Variants in PLIN1 observed in about 807,000 individuals in gnomAD.
The protein encoded by PLIN1 is perilipin 1, also known as perilipin-1.
PLIN1 carries 37 observed loss-of-function variants against 45.8 expected under a neutral mutation model. The observed-to-expected ratio is 0.81, with a 90% CI of 0.62 to 1.06. The LOEUF is 1.06. PLIN1 is among the 50% of genes least tolerant of loss of function. The pLI, the probability that PLIN1 is intolerant of heterozygous loss-of-function variation, is 0.00. For missense variants in PLIN1, 776 were observed against 716.5 expected, an observed-to-expected ratio of 1.08 and a Z score of -0.95; for synonymous variants, 340 against 309.2, an observed-to-expected ratio of 1.10 and a Z score of -1.05.
At chr15:89,676,368 C>G (rs1234332938) in intron 2 of PLIN1, among the ~76,000 whole-genome samples, 2 of 152,204 alleles carry the variant, frequency 1.3e-5, no homozygotes, top group African/African-American at 4.8e-5. Flanking sequence ...CTGCCTCAGT[C>G]TCCCAAGTAG....
At position 89,677,367 on chromosome 15, in the gene PLIN1, C is replaced by T; in HGVS notation, c.45+78G>A. The T allele has an allele frequency of 3.6e-6, 4 of 1,119,056 alleles. No homozygotes were observed. In the South Asian group the frequency reaches 4.9e-5, roughly 14 times the overall value. The allele number at this position is 1,119,056 out of a possible 1,614,324, so 69.3% of individuals were successfully genotyped here. A position where few individuals can be genotyped will look rare whatever the true frequency, so the allele number is the denominator to read the frequency against. ...ATCTGGGAATATCTTGCTCTAAGTC[C>T]CCTGCATCTCCCCTCCCTGCTTCTT... On this transcript the variant is annotated intron_variant, in intron 2 of 8. Coordinates refer to ENST00000300055, the MANE Select transcript of PLIN1 (RefSeq NM_002666.5).
chr15:89,667,003 A>ATGGCCC lies in PLIN1; in HGVS notation c.1136_1141dup (p.Arg379_Ala380dup). 6.2e-7 allele frequency: 1 copy of ATGGCCC among 1,614,126 alleles called. No individual in the cohort carries two copies. The stretch of plus-strand genomic sequence containing the variant: ...GCCCTTCAGGGCATCTGATAGGGAC[A>ATGGCCC]TGGCCCTCCCCTTGGTTGAGGAGAC... On this transcript the variant is annotated inframe_insertion, in exon 8 of 9. Coordinates refer to ENST00000300055, the MANE Select transcript of PLIN1 (RefSeq NM_002666.5).
chr15:89,674,978 T>C (rs1473978343), intron 2 of PLIN1, among the ~76,000 whole-genome samples: 4 of 152,072 alleles, frequency 2.6e-5, no homozygotes, highest in African/African-American at 7.2e-5. Flanking sequence ...TAGCAGGGCA[T>C]GGTGCTGTGT....
intron 3 of PLIN1, among the ~76,000 whole-genome samples, chr15:89,672,407 C>T (rs190477582): frequency 6.6e-6 from 1 of 152,164 alleles, no homozygotes; most frequent in Admixed American, 6.5e-5. Context: ...GCAGAGAGCC[C>T]AGATGACTTG....
Position 89,670,053 on chromosome 15 carries a change from T to C in PLIN1, c.525A>G (p.Gly175=). ...ANTRAGRLAS[G]GADLALGSIE... is the part of the protein sequence containing the mutation. ...TGCTGCCCAAGGCCAAGTCGGCCCC[T>C]CCAGAAGCCAGTCGGCCAGCTCGAG... Residue 175 remains glycine, a synonymous_variant, in exon 5 of 9, where the codon GGA becomes GGG. Coordinates refer to ENST00000300055, the MANE Select transcript of PLIN1 (RefSeq NM_002666.5). The C allele has an allele frequency of 6.2e-7, 1 of 1,613,998 alleles. No homozygotes were observed. The highest frequency in any genetic ancestry group is 8.5e-7 in the Non-Finnish European group (1 of 1,179,978).
At chr15:89,673,635 C>T (rs1162009384) in intron 2 of PLIN1, among the ~76,000 whole-genome samples, 1 of 152,180 alleles carries the variant, frequency 6.6e-6, no homozygotes, top group African/African-American at 2.4e-5. Context: ...GGTCACCATC[C>T]GGGGTGCTGG....
intron 8 of PLIN1, 137 bp from the exon 9 acceptor site, chr15:89,666,079 G>C (rs1411024610): frequency 1.8e-6 from 1 of 552,096 alleles, no homozygotes; most frequent in Non-Finnish European, 2.8e-6. Flanking sequence ...GAGCGGTTCA[G>C]TAGTTTGGGG....
intron 2 of PLIN1, chr15:89,677,188 C>T (rs181552741): frequency 2.8e-4 from 156 of 557,844 alleles, no homozygotes; most frequent in East Asian, 2.2e-3. Flanking sequence ...CCACTCCCCC[C>T]GTCCCTAAGC....
intron 2 of PLIN1, among the ~76,000 whole-genome samples, chr15:89,676,206 A>G (rs757732406): frequency 6.6e-6 from 1 of 152,154 alleles, no homozygotes; most frequent in Non-Finnish European, 1.5e-5. Flanking sequence ...CTACATGTAC[A>G]CTAAGACAGA....
intron 2 of PLIN1, among the ~76,000 whole-genome samples, chr15:89,674,626 C>T (rs901822216): frequency 1.3e-5 from 2 of 152,154 alleles, no homozygotes; most frequent in Admixed American, 1.3e-4. Context: ...CTTTGCTGAG[C>T]TGAAATTTGC....
At chr15:89,677,754 T>A in intron 1 of PLIN1, 3 of 157,638 alleles carry the variant, frequency 1.9e-5, no homozygotes, top group Non-Finnish European at 2.7e-5. Context: ...TCTTTCTTTC[T>A]TTTTTTTTTT....
chr15:89,667,091 A>G lies in PLIN1; in HGVS notation c.1054T>C (p.Trp352Arg), dbSNP rs1056883929. Residue 352 changes from tryptophan (W) to arginine (R), a missense_variant, in exon 8 of 9, where the codon TGG becomes CGG. Transcript: ENST00000300055. ...ATGCCCAGCACAGCTGCAGGTGCCCATGTCACAGCCGAGATGGTGGTCTGG... is the reference window on the plus strand; with the variant it reads ...ATGCCCAGCACAGCTGCAGGTGCCCGTGTCACAGCCGAGATGGTGGTCTGG... ...TLQTTISAVTWAPAAVLGMAG... is the reference protein window; with the variant it reads ...TLQTTISAVTRAPAAVLGMAG... The G allele has an allele frequency of 6.2e-7, 1 of 1,614,088 alleles. No individual in the cohort carries two copies. Among genetic ancestry groups the G allele is most frequent in the Admixed American group, 1.7e-5 (1 of 60,028 alleles).
chr15:89,665,399 G>A lies in PLIN1; in HGVS notation c.*184C>T. 1 of 436,526 alleles carries A rather than the reference G, an allele frequency of 2.3e-6. No homozygotes were observed. The highest frequency in any genetic ancestry group is 4.1e-5 in the Admixed American group (1 of 24,650). The allele number at this position is 436,526 out of a possible 1,614,324, so 27.0% of individuals were successfully genotyped here. The stretch of plus-strand genomic sequence containing the variant: ...TGGCTCTGAGAGTGAAGCCCCAAAA[G>A]GATGCTAAAAAAAAAATAAAAATAA... On this transcript the variant is annotated 3_prime_UTR_variant, in exon 9 of 9. Coordinates refer to ENST00000300055, the MANE Select transcript of PLIN1 (RefSeq NM_002666.5).
rs1412941874 is a variant in PLIN1, at chr15:89,665,103, AG to A, written c.*479del. On this transcript the variant is annotated 3_prime_UTR_variant, in exon 9 of 9. Transcript: ENST00000300055. ...TAGATCATCAGAGGATGTTCATCAGAGGGGGAACAGATCATCCTAGATCACA... is the reference window on the plus strand; with the variant it reads ...TAGATCATCAGAGGATGTTCATCAGAGGGGAACAGATCATCCTAGATCACA... The A allele has an allele frequency of 2.7e-6, 1 of 364,432 alleles. No homozygotes were observed. Among genetic ancestry groups the A allele is most frequent in the East Asian group, 7.3e-5 (1 of 13,666 alleles). 22.6% of individuals were successfully genotyped at this position (364,432 alleles called of 1,614,324 possible).
At position 89,664,812 on chromosome 15, in the gene PLIN1, G is replaced by T; in HGVS notation, c.*771C>A. 4.5e-6 allele frequency: 2 copies of T among 449,188 alleles called. No homozygotes were observed. The highest frequency in any genetic ancestry group is 8.9e-6 in the Non-Finnish European group (2 of 223,508). The allele number at this position is 449,188 out of a possible 1,614,324, so 27.8% of individuals were successfully genotyped here. The stretch of plus-strand genomic sequence containing the variant: ...AAATATTAACATTTCGAAGACTAGG[G>T]TTGGGGATGAACTGTGGCTATACAT... On this transcript the variant is annotated 3_prime_UTR_variant, in exon 9 of 9. Transcript: ENST00000300055.
At chr15:89,667,906 T>C in intron 6 of PLIN1, 113 bp from the exon 7 acceptor site, 2 of 1,491,832 alleles carry the variant, frequency 1.3e-6, no homozygotes, top group Non-Finnish European at 8.9e-7. Context: ...TGAGCAGGGC[T>C]CAGCCCCAGC....
rs1439103424 is a variant in PLIN1 at position 89,669,561 on chromosome 15, A to G, written c.710T>C (p.Met237Thr). 6.2e-7 allele frequency: 1 copy of G among 1,613,778 alleles called. No individual in the cohort carries two copies. Among genetic ancestry groups the G allele is most frequent in the Non-Finnish European group, 8.5e-7 (1 of 1,179,850 alleles). ...GTGGCCCTGCTCCAGGGCCCGGGCC[A>G]TGGTCTGCACGGTGTATCGAGAGAG... Reference protein sequence around the residue: ...NTLSRYTVQTMARALEQGHTV... With the variant: ...NTLSRYTVQTTARALEQGHTV... The change falls in exon 6 of 9, where the codon ATG (methionine) becomes ACG (threonine). Residue 237 changes from methionine (M) to threonine (T), a missense_variant. Transcript: ENST00000300055.
chr15:89,673,078 C>T, intron 3 of PLIN1, 132 bp downstream of exon 3: 1 of 716,996 alleles, frequency 1.4e-6, no homozygotes, highest in Non-Finnish European at 2.5e-6. Flanking sequence ...GAAGACCATG[C>T]AATGGGATGT....
intron 2 of PLIN1, 51 bp from the exon 3 acceptor site, chr15:89,673,465 C>A: frequency 6.8e-7 from 1 of 1,471,206 alleles, no homozygotes. Flanking sequence ...CTCCAGCCTC[C>A]CGGGAAGCTG....
Sources: allele counts gnomAD v4.1 joint callset (sites outside exome capture counted in the v4.1 genomes callset), GRCh38; gene constraint gnomAD v4.1.1; transcripts MANE v1.5; gene names NCBI Gene and HGNC (gene_info 2026-07-23, HGNC 2026-07-21).